Variants in DNER observed in about 807,000 individuals in gnomAD.
The protein encoded by DNER is delta and Notch-like epidermal growth factor-related receptor.
DNER carries 33 observed loss-of-function variants against 78.2 expected under a neutral mutation model. The observed-to-expected ratio is 0.42, with a 90% confidence interval of 0.32 to 0.56. The LOEUF is 0.56. DNER is among the 20% of genes least tolerant of loss of function. The probability of loss-of-function intolerance (pLI) is 0.11; values close to 1 mark genes in which losing one functional copy is unlikely to be tolerated. For synonymous variants in DNER, 417 were observed against 384.8 expected (o/e 1.08, Z -0.98); for missense variants, 918 against 975.3 (o/e 0.94, Z 0.78).
At chr2:229,623,232 C>T (rs1698280900) in intron 1 of DNER, among the ~76,000 whole-genome samples, 1 of 152,122 alleles carries the variant, frequency 6.6e-6, no homozygotes, top group Non-Finnish European at 1.5e-5. Context: ...GAAGTCTCTC[C>T]TTACCTAAGC....
At chr2:229,682,585 T>C (rs1226224015) in intron 1 of DNER, among the ~76,000 whole-genome samples, 1 of 152,210 alleles carries the variant, frequency 6.6e-6, no homozygotes, top group Non-Finnish European at 1.5e-5. Flanking sequence ...CAGTGGCTCA[T>C]GTCTGTAATC....
chr2:229,435,112 A>G (rs1418604919), intron 8 of DNER, among the ~76,000 whole-genome samples: 2 of 152,178 alleles, frequency 1.3e-5, no homozygotes, highest in African/African-American at 4.8e-5. Context: ...CCACTGGGAC[A>G]TTGGCAAACA....
At chr2:229,687,225 T>C (rs1699497743) in intron 1 of DNER, among the ~76,000 whole-genome samples, 1 of 152,112 alleles carries the variant, frequency 6.6e-6, no homozygotes, top group Admixed American at 6.5e-5. Context: ...ACAAATAATG[T>C]TTTGATGAAT....
At chr2:229,681,647 G>A (rs1358221732) in intron 1 of DNER, among the ~76,000 whole-genome samples, 2 of 152,092 alleles carry the variant, frequency 1.3e-5, no homozygotes, top group Admixed American at 6.5e-5. Context: ...CAGTCCCTGA[G>A]TCGTGGGCAG....
chr2:229,508,468 G>T (rs1185003846), intron 6 of DNER, among the ~76,000 whole-genome samples: 1 of 152,144 alleles, frequency 6.6e-6, no homozygotes, highest in Non-Finnish European at 1.5e-5. Flanking sequence ...GAAAAAGTAA[G>T]TGCCAGAGAA....
At chr2:229,396,287 T>C (rs906005886) in intron 10 of DNER, among the ~76,000 whole-genome samples, 2 of 150,812 alleles carry the variant, frequency 1.3e-5, no homozygotes, top group African/African-American at 4.8e-5. Flanking sequence ...CCAACTCAAA[T>C]GCCTTTTAGT....
intron 1 of DNER, among the ~76,000 whole-genome samples, chr2:229,695,985 G>A (rs946342762): frequency 6.6e-6 from 1 of 152,074 alleles, no homozygotes; most frequent in African/African-American, 2.4e-5. Context: ...GAGACAAACT[G>A]AGCCAAAAAA....
chr2:229,532,506 A>G (rs1254531301), intron 5 of DNER, among the ~76,000 whole-genome samples: 1 of 152,136 alleles, frequency 6.6e-6, no homozygotes, highest in Non-Finnish European at 1.5e-5. Flanking sequence ...CAGATTGCCA[A>G]AGCTCCTCCT....
intron 1 of DNER, among the ~76,000 whole-genome samples, chr2:229,629,314 G>C (rs538762872): frequency 9.2e-5 from 14 of 152,298 alleles, no homozygotes; most frequent in South Asian, 6.2e-4. Context: ...GGAATTTATA[G>C]ATAATGCCTG....
intron 8 of DNER, 94 bp from the exon 9 acceptor site, chr2:229,418,324 TAGA>T: frequency 6.5e-7 from 1 of 1,540,554 alleles, no homozygotes; most frequent in Admixed American, 1.8e-5. Context: ...GGGTATTCAT[TAGA>T]AAGTATGGTA....
intron 1 of DNER, among the ~76,000 whole-genome samples, chr2:229,612,260 C>G (rs1698063655): frequency 6.6e-6 from 1 of 152,178 alleles, no homozygotes; most frequent in African/African-American, 2.4e-5. Context: ...ATTGGGATCT[C>G]TGGTCACCCA....
At chr2:229,663,430 A>C (rs1559200054) in intron 1 of DNER, among the ~76,000 whole-genome samples, 1 of 152,210 alleles carries the variant, frequency 6.6e-6, no homozygotes, top group Non-Finnish European at 1.5e-5. Context: ...AACCAAAGAC[A>C]TCATTTATCC....
chr2:229,559,976 C>G (rs987772731), intron 4 of DNER, among the ~76,000 whole-genome samples: 3 of 152,168 alleles, frequency 2.0e-5, no homozygotes, highest in Non-Finnish European at 2.9e-5. Context: ...CTTTTAAAAC[C>G]AAGACTTTGC....
intron 5 of DNER, among the ~76,000 whole-genome samples, chr2:229,533,256 C>T (rs10174419): frequency 0.016 from 2,405 of 152,192 alleles, 69 homozygotes; most frequent in African/African-American, 0.055. Context: ...TCCAGACCTC[C>T]GGGGACTCCC....
chr2:229,407,415 A>C (rs1693412677), intron 9 of DNER, 70 bp from the exon 10 acceptor site: 1 of 1,399,244 alleles, frequency 7.1e-7, no homozygotes, highest in African/African-American at 1.4e-5. Flanking sequence ...CTGAAAGCAA[A>C]GTCGGAACTC....
chr2:229,479,084 T>G (rs35792147), intron 6 of DNER, among the ~76,000 whole-genome samples: 19,008 of 152,260 alleles, frequency 0.12, 1,335 homozygotes, highest in South Asian at 0.2. Flanking sequence ...TCTGTTCCTG[T>G]GTTAGTTTGC....
Position 229,611,805 on chromosome 2 carries a change from C to G in DNER, c.277-19917G>C, listed in dbSNP as rs141291609. On this transcript the variant is annotated intron_variant, in intron 1 of 12. Transcript: ENST00000341772. ...GGCTCCACCAGCCCTTCCTCTAAGA[C>G]GTACTGACAGGAAATCATAAATAAC... 3.0e-4 allele frequency among the ~76,000 whole-genome samples: 46 copies of G among 152,302 alleles called. No homozygotes were observed. The South Asian group carries it at 5.0e-3, about 16-fold the overall frequency.
At chr2:229,457,876 A>C (rs905717322) in intron 7 of DNER, among the ~76,000 whole-genome samples, 1 of 151,614 alleles carries the variant, frequency 6.6e-6, no homozygotes, top group African/African-American at 2.4e-5. Flanking sequence ...GGTGGCTTAC[A>C]CCTGTAATCC....
chr2:229,564,416 AC>A (rs1408686000), intron 4 of DNER, among the ~76,000 whole-genome samples: 1 of 96,190 alleles, frequency 1.0e-5, no homozygotes. Context: ...ACATCATCAC[AC>A]CATCACCATC....
Sources: allele counts gnomAD v4.1 joint callset (sites outside exome capture counted in the v4.1 genomes callset), GRCh38; gene constraint gnomAD v4.1.1; transcripts MANE v1.5; gene names NCBI Gene and HGNC (gene_info 2026-07-23, HGNC 2026-07-21).